Variants in HTR1F observed in about 807,000 individuals in gnomAD.
HTR1F encodes the protein 5-hydroxytryptamine (serotonin) receptor 1F, G protein-coupled.
HTR1F carries 17 observed loss-of-function variants against 24.0 expected under a neutral mutation model. The observed-to-expected ratio is 0.71, with a 90% CI of 0.48 to 1.06. HTR1F has a LOEUF of 1.06. Ranked by LOEUF, HTR1F falls within the 50% of genes least tolerant of loss-of-function variation. HTR1F has a pLI of 0.00. For missense variants in HTR1F, 391 were observed against 427.8 expected, an observed-to-expected ratio of 0.91 and a Z score of 0.76; for synonymous variants, 186 against 156.8, an observed-to-expected ratio of 1.19 and a Z score of -1.39.
At chr3:87,926,818 G>T (rs1440043050) in intron 2 of HTR1F, among the ~76,000 whole-genome samples, 1 of 152,124 alleles carries the variant, frequency 6.6e-6, no homozygotes, top group Non-Finnish European at 1.5e-5. Flanking sequence ...ACCCACACAT[G>T]TTCAGCAATC....
At chr3:87,831,168 A>G (rs1267426394) in intron 2 of HTR1F, among the ~76,000 whole-genome samples, 1 of 151,816 alleles carries the variant, frequency 6.6e-6, no homozygotes. Context: ...ATATTCTTAT[A>G]TATATGAGAA....
At chr3:87,945,813 A>C (rs556431226) in intron 2 of HTR1F, among the ~76,000 whole-genome samples, 1 of 152,244 alleles carries the variant, frequency 6.6e-6, no homozygotes, top group Admixed American at 6.5e-5. Context: ...GTGGTCAAAT[A>C]TTACTCACGG....
At chr3:87,894,843 T>G (rs1706165181) in intron 2 of HTR1F, among the ~76,000 whole-genome samples, 1 of 152,054 alleles carries the variant, frequency 6.6e-6, no homozygotes, top group Non-Finnish European at 1.5e-5. Context: ...GAAAAGCCAC[T>G]AGCAAATAAG....
At chr3:87,809,553 C>G (rs1370795384) in intron 1 of HTR1F, among the ~76,000 whole-genome samples, 1 of 151,792 alleles carries the variant, frequency 6.6e-6, no homozygotes, top group Non-Finnish European at 1.5e-5. Context: ...TGATAAGTTC[C>G]ACTGTACATT....
chr3:87,846,601 TG>T (rs1414945394), intron 2 of HTR1F, among the ~76,000 whole-genome samples: 8 of 151,870 alleles, frequency 5.3e-5, no homozygotes, highest in African/African-American at 1.9e-4. Flanking sequence ...TCAATTTTTT[TG>T]TTTGTTTGTT....
intron 2 of HTR1F, among the ~76,000 whole-genome samples, chr3:87,894,427 T>C (rs1245120098): frequency 3.3e-5 from 5 of 152,036 alleles, no homozygotes; most frequent in Non-Finnish European, 7.4e-5. Flanking sequence ...TGGGTAATTT[T>C]TGTATTTTCT....
At chr3:87,954,380 T>C (rs556129849) in intron 2 of HTR1F, among the ~76,000 whole-genome samples, 117 of 151,844 alleles carry the variant, frequency 7.7e-4, no homozygotes, top group African/African-American at 2.8e-3. Flanking sequence ...CAAAAGCTGA[T>C]AAAGAGATGT....
intron 2 of HTR1F, among the ~76,000 whole-genome samples, chr3:87,963,893 G>T (rs1705113059): frequency 6.6e-6 from 1 of 152,070 alleles, no homozygotes; most frequent in Non-Finnish European, 1.5e-5. Context: ...ACTCTTCAGA[G>T]CCCCAGAGCA....
chr3:87,977,105 G>A (rs1414960855), intron 2 of HTR1F, among the ~76,000 whole-genome samples: 4 of 152,052 alleles, frequency 2.6e-5, no homozygotes, highest in Non-Finnish European at 5.9e-5. Flanking sequence ...CTTACATATT[G>A]TAGAATTAGA....
chr3:87,877,320 G>C (rs1705692281), intron 2 of HTR1F, among the ~76,000 whole-genome samples: 1 of 152,068 alleles, frequency 6.6e-6, no homozygotes, highest in African/African-American at 2.4e-5. Flanking sequence ...TCTAGCCTGT[G>C]TCTGATCATA....
chr3:87,970,122 T>C (rs2107494453), intron 2 of HTR1F, among the ~76,000 whole-genome samples: 1 of 152,354 alleles, frequency 6.6e-6, no homozygotes, highest in East Asian at 1.9e-4. Context: ...ACAGACTAAT[T>C]CATGGAGGAT....
intron 2 of HTR1F, among the ~76,000 whole-genome samples, chr3:87,928,379 A>G (rs1704179581): frequency 6.6e-6 from 1 of 152,204 alleles, no homozygotes; most frequent in Non-Finnish European, 1.5e-5. Flanking sequence ...TATTTCACAA[A>G]TGAAATTTGT....
intron 2 of HTR1F, among the ~76,000 whole-genome samples, chr3:87,913,487 G>A (rs78859542): frequency 0.033 from 4,985 of 152,222 alleles, 246 homozygotes; most frequent in African/African-American, 0.11. Context: ...CACTGGGAGT[G>A]TAAATTAGTT....
At chr3:87,930,998 A>G (rs1294906507) in intron 2 of HTR1F, among the ~76,000 whole-genome samples, 1 of 150,170 alleles carries the variant, frequency 6.7e-6, no homozygotes, top group Non-Finnish European at 1.5e-5. Context: ...ATTCTTTTCA[A>G]CAACAGCATA....
At chr3:87,959,836 GAAGT>G (rs1705023563) in intron 2 of HTR1F, among the ~76,000 whole-genome samples, 1 of 150,356 alleles carries the variant, frequency 6.7e-6, no homozygotes, top group East Asian at 1.9e-4. Context: ...CTTAACTAGT[GAAGT>G]AAGCACATAT....
Position 87,912,275 on chromosome 3 carries a change from G to A in HTR1F, c.-42-78433G>A, listed in dbSNP as rs117478766. Among the ~76,000 whole-genome samples the A allele has an allele frequency of 6.0e-4, 90 of 150,886 alleles. No individual in the cohort carries two copies. The East Asian group carries it at 0.013, about 23-fold the overall frequency. ...ATCACTAGTATTGTTATAAACCAAC[G>A]ACAGCCAAGACGAAAGTCAAATCAG... On this transcript the variant is annotated intron_variant, in intron 2 of 2. Transcript: ENST00000319595.
intron 2 of HTR1F, among the ~76,000 whole-genome samples, chr3:87,887,491 A>C (rs1003120964): frequency 1.3e-5 from 2 of 152,320 alleles, no homozygotes; most frequent in South Asian, 2.1e-4. Flanking sequence ...TAATTAAACT[A>C]AAGAGCTTCT....
chr3:87,943,257 T>C (rs1189808274), intron 2 of HTR1F, among the ~76,000 whole-genome samples: 1 of 152,196 alleles, frequency 6.6e-6, no homozygotes, highest in Non-Finnish European at 1.5e-5. Flanking sequence ...AGGCTGCAGT[T>C]ATGGCGACAC....
chr3:87,914,034 C>T (rs1427108200), intron 2 of HTR1F, among the ~76,000 whole-genome samples: 2 of 152,120 alleles, frequency 1.3e-5, no homozygotes, highest in African/African-American at 4.8e-5. Flanking sequence ...CCGGCAGACA[C>T]CCCAAATACT....
Sources: allele counts gnomAD v4.1 joint callset (sites outside exome capture counted in the v4.1 genomes callset), GRCh38; gene constraint gnomAD v4.1.1; transcripts MANE v1.5; gene names NCBI Gene and HGNC (gene_info 2026-07-23, HGNC 2026-07-21).